The following MALRD1 variants were observed in gnomAD, a reference collection of about 807,000 sequenced individuals.
The protein encoded by MALRD1 is MAM and LDL receptor class A domain containing 1.
MALRD1 carries 247 observed loss-of-function variants against 242.1 expected under a neutral mutation model. The observed-to-expected ratio is 1.02, with a 90% confidence interval of 0.92 to 1.13. The LOEUF (loss-of-function observed/expected upper bound fraction) is 1.13, where lower values mean the gene tolerates loss of function less well. MALRD1 is among the 50% of genes most tolerant of loss of function. The pLI is 0.00. For missense variants in MALRD1, 2,989 were observed against 2,533.1 expected, an observed-to-expected ratio of 1.18 and a Z score of -3.86; for synonymous variants, 995 against 866.6, an observed-to-expected ratio of 1.15 and a Z score of -2.60.
intron 35 of MALRD1, among the ~76,000 whole-genome samples, chr10:19,611,755 A>G (rs1382574562): frequency 1.3e-5 from 2 of 152,140 alleles, no homozygotes; most frequent in Admixed American, 6.6e-5. Context: ...AGTAAATCAA[A>G]GCTGAAAATA....
At chr10:19,050,116 C>G (rs369752020) in intron 1 of MALRD1, among the ~76,000 whole-genome samples, 1 of 118,938 alleles carries the variant, frequency 8.4e-6, no homozygotes, top group Non-Finnish European at 1.6e-5. Context: ...GAGACGGAGT[C>G]TCGCTCTGTC....
chr10:19,268,446 T>A (rs1343804470), intron 19 of MALRD1, among the ~76,000 whole-genome samples: 2 of 152,116 alleles, frequency 1.3e-5, no homozygotes, highest in South Asian at 4.1e-4. Context: ...GTAAGTGAAA[T>A]AGAAGAAATG....
At chr10:19,088,349 T>C (rs550635404) in intron 4 of MALRD1, among the ~76,000 whole-genome samples, 164 bp downstream of exon 4, 2 of 152,090 alleles carry the variant, frequency 1.3e-5, no homozygotes, top group African/African-American at 4.8e-5. Context: ...CAATTTGGGA[T>C]GGCTAGTCAC....
intron 19 of MALRD1, 134 bp downstream of exon 19, chr10:19,257,905 C>G: frequency 3.5e-6 from 2 of 568,302 alleles, no homozygotes; most frequent in Non-Finnish European, 5.8e-6. Flanking sequence ...AAACTATTAA[C>G]TCTGGAAAAG....
intron 29 of MALRD1, among the ~76,000 whole-genome samples, chr10:19,473,038 A>G (rs926995543): frequency 1.6e-4 from 24 of 150,598 alleles, no homozygotes; most frequent in African/African-American, 4.4e-4. Context: ...TCCACACTCA[A>G]CGGAAACTGA....
At chr10:19,426,089 T>C (rs9888035) in intron 28 of MALRD1, among the ~76,000 whole-genome samples, 27,989 of 152,160 alleles carry the variant, frequency 0.18, 4,008 homozygotes, top group African/African-American at 0.4. Flanking sequence ...TTAATGAGTG[T>C]TGACATATGA....
chr10:19,344,164 G>C (rs1016483130), intron 24 of MALRD1, among the ~76,000 whole-genome samples: 14 of 152,050 alleles, frequency 9.2e-5, no homozygotes, highest in African/African-American at 3.4e-4. Context: ...TAATGTTGAT[G>C]AAGTTCAATG....
intron 18 of MALRD1, among the ~76,000 whole-genome samples, chr10:19,255,993 C>T (rs1334389201): frequency 1.3e-5 from 2 of 151,988 alleles, no homozygotes; most frequent in African/African-American, 4.8e-5. Flanking sequence ...ACTCCAAACA[C>T]CAGAATGGAG....
chr10:19,104,969 T>A (rs1564394290), intron 5 of MALRD1, among the ~76,000 whole-genome samples: 1 of 152,148 alleles, frequency 6.6e-6, no homozygotes, highest in East Asian at 1.9e-4. Flanking sequence ...GTGTAATGAT[T>A]AAATCAGGGT....
intron 28 of MALRD1, among the ~76,000 whole-genome samples, chr10:19,402,298 TC>T (rs770398417): frequency 4.0e-4 from 61 of 152,262 alleles, no homozygotes; most frequent in South Asian, 2.9e-3. Context: ...TTTGGCTGTT[TC>T]CCCACCCAAA....
intron 12 of MALRD1, among the ~76,000 whole-genome samples, chr10:19,158,560 C>G (rs1039609743): frequency 3.3e-5 from 5 of 152,164 alleles, no homozygotes; most frequent in Admixed American, 2.6e-4. Flanking sequence ...ATAAACAAAA[C>G]TGAAAATAGT....
intron 32 of MALRD1, among the ~76,000 whole-genome samples, chr10:19,541,473 C>T (rs192015163): frequency 3.6e-4 from 55 of 152,220 alleles, no homozygotes; most frequent in Middle Eastern, 6.8e-3. Flanking sequence ...TGTCACTCAT[C>T]CTGGCACATT....
chr10:19,682,013 A>G (rs952626299), intron 36 of MALRD1, among the ~76,000 whole-genome samples: 3 of 151,986 alleles, frequency 2.0e-5, no homozygotes, highest in African/African-American at 7.2e-5. Flanking sequence ...TGGGATACCA[A>G]CATTTTATGG....
At chr10:19,530,435 TATAA>T (rs1834347264) in intron 31 of MALRD1, among the ~76,000 whole-genome samples, 1 of 40,472 alleles carries the variant, frequency 2.5e-5, no homozygotes, top group Non-Finnish European at 6.6e-5. Context: ...ATATAATATA[TATAA>T]TATATAATAT....
intron 26 of MALRD1, among the ~76,000 whole-genome samples, chr10:19,377,657 A>C (rs557549594): frequency 6.6e-6 from 1 of 151,930 alleles, no homozygotes; most frequent in South Asian, 2.1e-4. Flanking sequence ...TTCATTTTTG[A>C]TACAAATCCT....
intron 26 of MALRD1, among the ~76,000 whole-genome samples, chr10:19,372,286 A>G (rs890168756): frequency 1.3e-5 from 2 of 152,262 alleles, no homozygotes; most frequent in Non-Finnish European, 2.9e-5. Flanking sequence ...AAGAAATAGC[A>G]TAAGACCTAT....
At chr10:19,083,643 A>G (rs1835565617) in intron 2 of MALRD1, among the ~76,000 whole-genome samples, 1 of 151,944 alleles carries the variant, frequency 6.6e-6, no homozygotes, top group African/African-American at 2.4e-5. Flanking sequence ...AGGTCAAATA[A>G]TACAATTGTT....
At chr10:19,343,722 G>A (rs183564643) in intron 24 of MALRD1, among the ~76,000 whole-genome samples, 99 of 152,166 alleles carry the variant, frequency 6.5e-4, no homozygotes, top group African/African-American at 2.1e-3. Flanking sequence ...TCATGCTATT[G>A]AGGTAACCAT....
At chr10:19,169,603 T>C (rs940358592) in intron 13 of MALRD1, among the ~76,000 whole-genome samples, 1 of 152,148 alleles carries the variant, frequency 6.6e-6, no homozygotes. Context: ...AAAAAAAAGA[T>C]GCTAATATTA....
Sources: gnomAD v4.1 joint callset for allele counts (sites outside exome capture counted in the v4.1 genomes callset) on GRCh38, gnomAD v4.1.1 for gene constraint, MANE v1.5 for transcripts, NCBI Gene and HGNC (gene_info 2026-07-23, HGNC 2026-07-21) for gene names.